The following NALCN variants were observed in gnomAD, a reference collection of about 807,000 sequenced individuals.
NALCN encodes the protein sodium leak channel NALCN.
In NALCN, 111 loss-of-function variants were observed where a neutral mutation model predicts 225.3. The ratio of observed to expected loss-of-function variants is 0.49; its 90% CI spans 0.42 to 0.58. The LOEUF (loss-of-function observed/expected upper bound fraction) is 0.58, where lower values mean the gene tolerates loss of function less well. Among genes scored for constraint, NALCN ranks in the 20% least tolerant of loss-of-function variants. The pLI, the probability that NALCN is intolerant of heterozygous loss-of-function variation, is 0.00. For synonymous variants in NALCN, 764 were observed against 769.0 expected (o/e 0.99, Z 0.11); for missense variants, 1,378 against 2,202.4 (o/e 0.63, Z 7.49).
chr13:101,357,066 C>T (rs572771782), intron 6 of NALCN, among the ~76,000 whole-genome samples: 17 of 152,192 alleles, frequency 1.1e-4, no homozygotes, highest in African/African-American at 4.1e-4. Flanking sequence ...TGTGACAAAC[C>T]CACAGCCAGT....
chr13:101,204,357 C>A (rs1056409401), intron 13 of NALCN, among the ~76,000 whole-genome samples: 8 of 152,110 alleles, frequency 5.3e-5, no homozygotes, highest in African/African-American at 1.7e-4. Flanking sequence ...AATGAACCCA[C>A]ATTATTTATT....
At chr13:101,320,066 TG>T (rs1404606053) in intron 7 of NALCN, among the ~76,000 whole-genome samples, 2 of 152,224 alleles carry the variant, frequency 1.3e-5, no homozygotes, top group African/African-American at 4.8e-5. Context: ...GAGCACTTCC[TG>T]GCATCCCAGT....
chr13:101,331,007 T>G (rs961648993), intron 7 of NALCN, among the ~76,000 whole-genome samples: 11 of 152,218 alleles, frequency 7.2e-5, no homozygotes, highest in Non-Finnish European at 1.5e-4. Context: ...AAGTATGTCT[T>G]TATTAGCAGC....
At chr13:101,276,418 C>T (rs1162989429) in intron 10 of NALCN, among the ~76,000 whole-genome samples, 1 of 152,162 alleles carries the variant, frequency 6.6e-6, no homozygotes, top group Non-Finnish European at 1.5e-5. Flanking sequence ...AAAGAGCTCA[C>T]CACATATAAC....
chr13:101,271,813 CAG>C (rs1207801331), intron 10 of NALCN, among the ~76,000 whole-genome samples: 1 of 148,830 alleles, frequency 6.7e-6, no homozygotes, highest in Admixed American at 6.7e-5. Context: ...GTGTGTGTGT[CAG>C]TGTGTCACCG....
intron 7 of NALCN, among the ~76,000 whole-genome samples, chr13:101,317,169 T>C (rs1357941476): frequency 3.3e-5 from 5 of 152,186 alleles, no homozygotes; most frequent in Non-Finnish European, 5.9e-5. Context: ...TAGAAAGTTG[T>C]TCTGAATCAT....
chr13:101,056,205 G>A (rs529026887), intron 43 of NALCN, among the ~76,000 whole-genome samples: 17 of 134,490 alleles, frequency 1.3e-4, no homozygotes, highest in African/African-American at 2.0e-4. Context: ...CACGATCACC[G>A]TTTTTGGTGG....
At chr13:101,064,806 T>C (rs1030596376) in intron 40 of NALCN, among the ~76,000 whole-genome samples, 1 of 152,062 alleles carries the variant, frequency 6.6e-6, no homozygotes, top group African/African-American at 2.4e-5. Context: ...ATCCCTCAGC[T>C]TAAGGTGCTA....
chr13:101,063,554 A>C (rs924761717), intron 40 of NALCN, among the ~76,000 whole-genome samples: 1 of 152,214 alleles, frequency 6.6e-6, no homozygotes, highest in African/African-American at 2.4e-5. Flanking sequence ...TGCCACTAGG[A>C]GGAAAGACTC....
rs867078581 is a variant in NALCN at position 101,067,972 on chromosome 13, GT to G, written c.4391del (p.Tyr1464SerfsTer9). ...TTATTTGAAAGTGGCGAAGATCATTGTAACTTAAAAGCTGGTCCTCCTCAGT... is the reference window on the plus strand; with the variant it reads ...TTATTTGAAAGTGGCGAAGATCATTGAACTTAAAAGCTGGTCCTCCTCAGT... ...YSTEEDQLLS[Y>X]NDLRHFQIIW... On this transcript the variant is annotated frameshift_variant, in exon 39 of 44. Coordinates refer to ENST00000251127, the MANE Select transcript of NALCN (RefSeq NM_052867.4). LOFTEE classifies it high-confidence loss of function. 2 of 1,613,232 alleles carry G rather than the reference GT, an allele frequency of 1.2e-6. No homozygotes were observed. The highest frequency in any genetic ancestry group is 1.7e-6 in the Non-Finnish European group (2 of 1,179,772).
chr13:101,400,000 A>T (rs932483343), intron 1 of NALCN, among the ~76,000 whole-genome samples: 3 of 152,158 alleles, frequency 2.0e-5, no homozygotes, highest in African/African-American at 7.2e-5. Flanking sequence ...GTGGTACCTG[A>T]TGATCCCTGA....
chr13:101,343,150 T>A (rs2045610337), intron 7 of NALCN, among the ~76,000 whole-genome samples: 1 of 152,204 alleles, frequency 6.6e-6, no homozygotes, highest in African/African-American at 2.4e-5. Flanking sequence ...AAATTGTCTT[T>A]TGTTTCCATA....
chr13:101,252,162 C>G (rs767845239), intron 11 of NALCN, among the ~76,000 whole-genome samples: 4 of 152,104 alleles, frequency 2.6e-5, no homozygotes, highest in African/African-American at 4.8e-5. Context: ...GAAAGAGGTC[C>G]TTAGAGTCAC....
chr13:101,236,972 T>A (rs1035285479), intron 12 of NALCN, among the ~76,000 whole-genome samples: 4 of 117,600 alleles, frequency 3.4e-5, no homozygotes, highest in Non-Finnish European at 7.5e-5. Flanking sequence ...TAAAATAAAA[T>A]AAAAAATAAA....
intron 10 of NALCN, among the ~76,000 whole-genome samples, chr13:101,275,018 G>T (rs1447653399): frequency 1.3e-5 from 2 of 152,140 alleles, no homozygotes; most frequent in Non-Finnish European, 2.9e-5. Context: ...AACGACTTTG[G>T]GTTTGCTCTG....
intron 1 of NALCN, among the ~76,000 whole-genome samples, chr13:101,408,418 T>G (rs747770858): frequency 1.4e-4 from 22 of 152,062 alleles, no homozygotes; most frequent in Non-Finnish European, 8.8e-5. Flanking sequence ...TTTTCTCTCT[T>G]AAACTTAGCC....
intron 15 of NALCN, among the ~76,000 whole-genome samples, chr13:101,147,998 G>A (rs775010288): frequency 5.3e-5 from 8 of 152,062 alleles, no homozygotes; most frequent in Non-Finnish European, 1.2e-4. Flanking sequence ...CTCTGACAAA[G>A]TTTTCCTCTT....
At chr13:101,379,771 G>A (rs1019091565) in intron 3 of NALCN, among the ~76,000 whole-genome samples, 1 of 152,100 alleles carries the variant, frequency 6.6e-6, no homozygotes, top group Non-Finnish European at 1.5e-5. Context: ...GTAGATGACA[G>A]GTTGATGGTG....
At chr13:101,273,292 A>G (rs2042860182) in intron 10 of NALCN, among the ~76,000 whole-genome samples, 1 of 152,178 alleles carries the variant, frequency 6.6e-6, no homozygotes, top group Admixed American at 6.5e-5. Context: ...TTTATCAAGC[A>G]CTGGAGTGAC....
Sources: allele counts gnomAD v4.1 joint callset (sites outside exome capture counted in the v4.1 genomes callset), GRCh38; gene constraint gnomAD v4.1.1; transcripts MANE v1.5; gene names NCBI Gene and HGNC (gene_info 2026-07-23, HGNC 2026-07-21).